Variants in DTX4 observed in about 807,000 individuals in gnomAD.
The protein encoded by DTX4 is E3 ubiquitin-protein ligase DTX4.
A neutral mutation model predicts 57.6 loss-of-function variants in DTX4; 28 were observed. The ratio of observed to expected loss-of-function variants is 0.49; its 90% CI spans 0.36 to 0.67. DTX4 has a LOEUF of 0.67. DTX4 is among the 30% of genes least tolerant of loss of function. The pLI is 0.00. For missense variants in DTX4, 715 were observed against 836.8 expected (o/e 0.85, Z 1.80); for synonymous variants, 316 against 331.0 (o/e 0.95, Z 0.49).
intron 2 of DTX4, among the ~76,000 whole-genome samples, chr11:59,186,624 G>A (rs557521412): frequency 6.6e-5 from 10 of 152,272 alleles, no homozygotes; most frequent in Admixed American, 2.0e-4. Context: ...TTTCCGTAGC[G>A]TCTTCTAACC....
rs1201561085 is a variant in DTX4, at chr11:59,206,577, TGG to T, written c.*1669_*1670del. The T allele has an allele frequency of 6.6e-6, 1 of 151,288 alleles. No homozygotes were observed. The highest frequency in any genetic ancestry group is 2.4e-5 in the African/African-American group (1 of 40,904). 9.4% of individuals were successfully genotyped at this position (151,288 alleles called of 1,614,324 possible). On this transcript the variant is annotated 3_prime_UTR_variant, in exon 9 of 9. Transcript: ENST00000227451. ...TGGAAGGTTTTTGATGCTAGAAAAA[TGG>T]AAACAAGAGAACCTTCAAAAATGGT...
intron 1 of DTX4, among the ~76,000 whole-genome samples, chr11:59,173,263 A>T (rs1590976418): frequency 6.6e-6 from 1 of 150,980 alleles, no homozygotes; most frequent in Non-Finnish European, 1.5e-5. Context: ...ACGTCCCCTC[A>T]CCCCCGATCT....
chr11:59,180,659 A>G (rs1036144687), intron 1 of DTX4, among the ~76,000 whole-genome samples: 3 of 152,104 alleles, frequency 2.0e-5, no homozygotes, highest in Admixed American at 6.5e-5. Context: ...TGAGCTAGAC[A>G]TCTTTAGCCT....
Position 59,195,365 on chromosome 11 carries a change from T to C in DTX4, c.1532T>C (p.Ile511Thr). The change falls in exon 7 of 9, where the codon ATT becomes ACT. Residue 511 changes from isoleucine (I) to threonine (T), a missense_variant. By Grantham distance (89) the Ile-to-Thr change is moderately conservative (BLOSUM62 -1). Coordinates refer to ENST00000227451, the MANE Select transcript of DTX4 (RefSeq NM_015177.2). Reference sequence around the variant, plus strand: ...ATCATCTACAGCATCCCCCCCGGCATTCAGGTGAGCCTTTCTCTCAGGTGA... The same window carrying C: ...ATCATCTACAGCATCCCCCCCGGCACTCAGGTGAGCCTTTCTCTCAGGTGA... ...IRIIYSIPPG[I>T]QGPEHPNPGK... 1 of 1,603,446 alleles carries C rather than the reference T, an allele frequency of 6.2e-7. No individual in the cohort carries two copies.
chr11:59,193,033 G>A (rs1862619227), intron 6 of DTX4, among the ~76,000 whole-genome samples: 1 of 152,158 alleles, frequency 6.6e-6, no homozygotes, highest in African/African-American at 2.4e-5. Flanking sequence ...TCCAGGCCAA[G>A]CTTAGATTAC....
At chr11:59,191,972 C>T in intron 5 of DTX4, 126 bp from the exon 6 acceptor site, 1 of 1,068,388 alleles carries the variant, frequency 9.4e-7, no homozygotes, top group Non-Finnish European at 1.3e-6. Context: ...AAAGCACTTA[C>T]ACCCTGATTT....
intron 2 of DTX4, among the ~76,000 whole-genome samples, chr11:59,187,830 G>A (rs1360597650): frequency 2.6e-5 from 4 of 152,236 alleles, no homozygotes; most frequent in African/African-American, 7.2e-5. Context: ...GGAGTTGCTG[G>A]GGAGAAGGAC....
intron 8 of DTX4, among the ~76,000 whole-genome samples, chr11:59,203,814 C>T (rs921658771): frequency 5.3e-5 from 8 of 152,144 alleles, no homozygotes; most frequent in East Asian, 1.9e-4. Flanking sequence ...ATTACTGTAA[C>T]GATTATATGT....
chr11:59,182,570 T>A, intron 2 of DTX4, 108 bp downstream of exon 2: 1 of 1,393,890 alleles, frequency 7.2e-7, no homozygotes, highest in South Asian at 1.5e-5. Flanking sequence ...CTTCTCATCT[T>A]GTGCTGACCC....
chr11:59,202,318 C>T (rs1862749875), intron 8 of DTX4, among the ~76,000 whole-genome samples: 1 of 152,184 alleles, frequency 6.6e-6, no homozygotes, highest in African/African-American at 2.4e-5. Flanking sequence ...CCCATTTCTG[C>T]CATTTACTAG....
intron 2 of DTX4, 52 bp downstream of exon 2, chr11:59,182,514 T>C (rs1293784048): frequency 6.7e-6 from 10 of 1,498,844 alleles, no homozygotes; most frequent in Non-Finnish European, 8.9e-6. Context: ...AGAGATAGGC[T>C]ACAGCAGATC....
At chr11:59,179,001 C>T (rs568137760) in intron 1 of DTX4, among the ~76,000 whole-genome samples, 6 of 150,722 alleles carry the variant, frequency 4.0e-5, no homozygotes, top group Admixed American at 4.0e-4. Flanking sequence ...TCCAGAAGTT[C>T]TGGGACAACT....
intron 2 of DTX4, among the ~76,000 whole-genome samples, chr11:59,188,158 TA>T (rs1202789084): frequency 1.1e-4 from 17 of 152,186 alleles, no homozygotes; most frequent in African/African-American, 3.9e-4. Flanking sequence ...CAGACAAAGA[TA>T]TTTTGCCCTT....
Position 59,172,582 on chromosome 11 carries a change from G to A in DTX4, c.-14G>A. ...GGGAGGCGGGCCGCGCAGCGCCGCA[G>A]CCCCGGGCTCGCCATGCTCCTGGCC... On this transcript the variant is annotated 5_prime_UTR_variant, in exon 1 of 9. Transcript: ENST00000227451. 2 of 1,433,832 alleles carry A rather than the reference G, an allele frequency of 1.4e-6. No individual in the cohort carries two copies. The highest frequency in any genetic ancestry group is 9.1e-7 in the Non-Finnish European group (1 of 1,096,922). The allele number at this position is 1,433,832 out of a possible 1,614,324, so 88.8% of individuals were successfully genotyped here.
At chr11:59,190,299 G>A (rs990763531) in intron 4 of DTX4, among the ~76,000 whole-genome samples, 3 of 151,896 alleles carry the variant, frequency 2.0e-5, no homozygotes, top group African/African-American at 4.8e-5. Flanking sequence ...AGTGCATATC[G>A]GGCCCTTATC....
In DTX4 at chr11:59,204,396, C is replaced by T. The variant is rs148700519; in HGVS notation, c.1627-280C>T. Among the ~76,000 whole-genome samples the T allele has an allele frequency of 2.3e-4, 35 of 152,272 alleles. No individual in the cohort carries two copies. In the East Asian group the frequency reaches 3.5e-3, roughly 15 times the overall value. ...GGAGTGTCCAGTAAGATGTTCACAA[C>T]GTTTAGAGGCAGATTGTACCATTGC... On this transcript the variant is annotated intron_variant, in intron 8 of 8. Coordinates refer to ENST00000227451, the MANE Select transcript of DTX4 (RefSeq NM_015177.2).
intron 1 of DTX4, among the ~76,000 whole-genome samples, chr11:59,178,574 T>C (rs577025178): frequency 6.6e-6 from 1 of 152,318 alleles, no homozygotes; most frequent in Non-Finnish European, 1.5e-5. Context: ...CTGGAGCCCT[T>C]GCAACTGCCA....
rs542039618 is a variant in DTX4 at position 59,206,129 on chromosome 11, T to C, written c.*1220T>C. 6.6e-6 allele frequency: 1 copy of C among 152,384 alleles called. No individual in the cohort carries two copies. Among genetic ancestry groups the C allele is most frequent in the African/African-American group, 2.4e-5 (1 of 41,580 alleles). The allele number at this position is 152,384 out of a possible 1,614,324, so 9.4% of individuals were successfully genotyped here. A position where few individuals can be genotyped will look rare whatever the true frequency, so the allele number is the denominator to read the frequency against. On this transcript the variant is annotated 3_prime_UTR_variant, in exon 9 of 9. Transcript: ENST00000227451. ...TCATCTCCATCCAGTCTTGTTTCTA[T>C]GAAGGCTTCAATCTGTTTCCATGCA...
intron 1 of DTX4, 46 bp downstream of exon 1, chr11:59,172,852 C>T: frequency 6.9e-7 from 1 of 1,447,610 alleles, no homozygotes; most frequent in South Asian, 1.4e-5. Context: ...CCCACCTTCC[C>T]AACCTGCCAA....
Sources: gnomAD v4.1 joint callset for allele counts (sites outside exome capture counted in the v4.1 genomes callset) on GRCh38, gnomAD v4.1.1 for gene constraint, MANE v1.5 for transcripts, NCBI Gene and HGNC (gene_info 2026-07-23, HGNC 2026-07-21) for gene names.